The following SLC16A14 variants were observed in gnomAD, a reference collection of about 807,000 sequenced individuals.
SLC16A14 encodes the protein monocarboxylate transporter 14.
SLC16A14 carries 14 observed loss-of-function variants against 35.8 expected under a neutral mutation model. The observed-to-expected ratio is 0.39, with a 90% CI of 0.26 to 0.61. The LOEUF (loss-of-function observed/expected upper bound fraction) is 0.61, where lower values mean the gene tolerates loss of function less well. SLC16A14 is among the 20% of genes least tolerant of loss of function. SLC16A14 has a pLI of 0.51. For synonymous variants in SLC16A14, 248 were observed against 258.9 expected (o/e 0.96, Z 0.40); for missense variants, 533 against 655.0 (o/e 0.81, Z 2.03).
At position 230,046,759 on chromosome 2, in the gene SLC16A14, C is replaced by A. The variant is rs73107619; in HGVS notation, c.404-37G>T. 2.1e-3 allele frequency: 3,326 copies of A among 1,548,456 alleles called. 66 individuals carry two copies. In the African/African-American group the frequency reaches 0.04, roughly 18 times the overall value. ...GACGGGGGGAAGAAAAGACACAGTGCAACATCAGTGGCCATATCCAGAATT... is the reference window on the plus strand; with the variant it reads ...GACGGGGGGAAGAAAAGACACAGTGAAACATCAGTGGCCATATCCAGAATT... On this transcript the variant is annotated intron_variant, in intron 3 of 4. Transcript: ENST00000295190. The surrounding 1 kb of genome is among the most constrained non-coding windows in gnomAD (Gnocchi z 5.0).
chr2:230,062,738 G>A (rs2077760944), intron 1 of SLC16A14, among the ~76,000 whole-genome samples: 1 of 152,212 alleles, frequency 6.6e-6, no homozygotes, highest in Non-Finnish European at 1.5e-5. Flanking sequence ...AAAAATGAGT[G>A]TAGGGGATCC....
intron 4 of SLC16A14, among the ~76,000 whole-genome samples, chr2:230,044,742 G>A (rs1297481600): frequency 7.1e-6 from 1 of 141,218 alleles, no homozygotes; most frequent in Non-Finnish European, 1.6e-5. Flanking sequence ...GTGTGTATGT[G>A]TGTGTGTGTG....
At chr2:230,058,772 A>G (rs1202614044) in intron 2 of SLC16A14, among the ~76,000 whole-genome samples, 3 of 152,080 alleles carry the variant, frequency 2.0e-5, no homozygotes, top group Non-Finnish European at 4.4e-5. Context: ...AGCTGGGATT[A>G]CAGGCACATG....
At chr2:230,053,787 A>G (rs1336005995) in intron 2 of SLC16A14, among the ~76,000 whole-genome samples, 1 of 152,120 alleles carries the variant, frequency 6.6e-6, no homozygotes, top group Non-Finnish European at 1.5e-5. Flanking sequence ...TCTAAAAAAA[A>G]AAGTGTCCCA....
At chr2:230,060,671 T>C (rs1396763272) in intron 1 of SLC16A14, among the ~76,000 whole-genome samples, 1 of 151,992 alleles carries the variant, frequency 6.6e-6, no homozygotes, top group Non-Finnish European at 1.5e-5. Flanking sequence ...CTGTTTCATT[T>C]TTCATGGTTT....
chr2:230,045,800 G>A lies in SLC16A14; in HGVS notation c.1326C>T (p.Tyr442=), dbSNP rs373256443. Residue 442 remains tyrosine (Y), a synonymous_variant, in exon 4 of 5, where the codon TAC becomes TAT. Transcript: ENST00000295190. ...TGCCATTAGCACAGATGATGATGCC[G>A]TAGGCATTGGCCAGGTGTTCAATGC... The part of the protein sequence containing the change: ...LVGIEHLANA[Y]GIIICANGIS... 12 of 1,614,184 alleles carry A rather than the reference G, an allele frequency of 7.4e-6. No individual in the cohort carries two copies. The highest frequency in any genetic ancestry group is 4.5e-5 in the East Asian group (2 of 44,888).
intron 1 of SLC16A14, among the ~76,000 whole-genome samples, chr2:230,061,762 G>A (rs1243124732): frequency 7.2e-6 from 1 of 139,094 alleles, no homozygotes; most frequent in Non-Finnish European, 1.5e-5. Flanking sequence ...TTTTTTTTGA[G>A]ACAGAGTGTT....
At chr2:230,064,350 GT>G (rs1225963473) in intron 1 of SLC16A14, among the ~76,000 whole-genome samples, 1 of 151,770 alleles carries the variant, frequency 6.6e-6, no homozygotes, top group African/African-American at 2.4e-5. Flanking sequence ...GCATGTATCT[GT>G]CCCCTTCCCA....
intron 2 of SLC16A14, among the ~76,000 whole-genome samples, chr2:230,050,997 C>T (rs2077655424): frequency 6.6e-6 from 1 of 152,154 alleles, no homozygotes; most frequent in African/African-American, 2.4e-5. Flanking sequence ...CATACAGACT[C>T]CCATCCCGGC....
At chr2:230,054,597 G>C (rs1402253131) in intron 2 of SLC16A14, among the ~76,000 whole-genome samples, 3 of 152,120 alleles carry the variant, frequency 2.0e-5, no homozygotes, top group Non-Finnish European at 2.9e-5. Context: ...TTGGAGAAAG[G>C]CACAGGTAAC....
chr2:230,041,447 A>C (rs2077559601), intron 4 of SLC16A14, among the ~76,000 whole-genome samples: 1 of 152,152 alleles, frequency 6.6e-6, no homozygotes. Context: ...TCCCGGGTTC[A>C]AGCAATTCTA....
In SLC16A14 at chr2:230,036,696, G is replaced by C. The variant is rs2077522009; in HGVS notation, c.*684C>G. The C allele has an allele frequency of 6.6e-6, 1 of 152,168 alleles. No individual in the cohort carries two copies. Among genetic ancestry groups the C allele is most frequent in the Admixed American group, 6.5e-5 (1 of 15,276 alleles). 9.4% of individuals were successfully genotyped at this position (152,168 alleles called of 1,614,324 possible). A position where few individuals can be genotyped will look rare whatever the true frequency, so the allele number is the denominator to read the frequency against. The stretch of plus-strand genomic sequence containing the variant: ...TCATTACTGTTATTTCTTTGTTAAG[G>C]TTTTGTCTCAAGATTCCATTTATAA... On this transcript the variant is annotated 3_prime_UTR_variant, in exon 5 of 5. Transcript: ENST00000295190.
intron 1 of SLC16A14, among the ~76,000 whole-genome samples, chr2:230,061,074 C>T (rs1173450213): frequency 6.6e-6 from 1 of 152,184 alleles, no homozygotes; most frequent in Non-Finnish European, 1.5e-5. Context: ...TGCAGGGTCC[C>T]ACTGCCCAGC....
chr2:230,050,143 C>T (rs867997999), intron 2 of SLC16A14, among the ~76,000 whole-genome samples: 2 of 152,212 alleles, frequency 1.3e-5, no homozygotes, highest in Non-Finnish European at 2.9e-5. Flanking sequence ...AATAGACATT[C>T]ATTCTTTCAT....
intron 3 of SLC16A14, among the ~76,000 whole-genome samples, chr2:230,047,541 G>A (rs1040593341): frequency 5.9e-5 from 9 of 152,092 alleles, no homozygotes; most frequent in African/African-American, 1.9e-4. Flanking sequence ...CTGGGCTCAC[G>A]CAATTCACCT....
chr2:230,045,620 G>A (rs769149904), intron 4 of SLC16A14, 125 bp downstream of exon 4: 1 of 1,025,952 alleles, frequency 9.7e-7, no homozygotes, highest in African/African-American at 1.6e-5. Context: ...GAAAGTAAAG[G>A]GCAGGAATGG....
At chr2:230,040,350 G>T (rs1419345135) in intron 4 of SLC16A14, among the ~76,000 whole-genome samples, 1 of 152,036 alleles carries the variant, frequency 6.6e-6, no homozygotes, top group African/African-American at 2.4e-5. Context: ...CTCCCGAGTA[G>T]CTGGGATTAC....
At chr2:230,054,088 G>C (rs1055804007) in intron 2 of SLC16A14, among the ~76,000 whole-genome samples, 12 of 146,454 alleles carry the variant, frequency 8.2e-5, no homozygotes, top group South Asian at 2.1e-4. Context: ...GCCTGAGGTG[G>C]GGGGGGAAGT....
intron 2 of SLC16A14, chr2:230,058,140 G>A (rs1011865138): frequency 1.3e-5 from 2 of 151,670 alleles, no homozygotes; most frequent in Non-Finnish European, 2.9e-5. Flanking sequence ...AACAAGCAGA[G>A]ATTTATAATG....
Sources: gnomAD v4.1 joint callset for allele counts (sites outside exome capture counted in the v4.1 genomes callset) on GRCh38, gnomAD v4.1.1 for gene constraint, Gnocchi (gnomAD v3.1) non-coding constraint, MANE v1.5 for transcripts, NCBI Gene and HGNC (gene_info 2026-07-23, HGNC 2026-07-21) for gene names.